ZNF253: variants seen among roughly 807,000 people sequenced by gnomAD.
ZNF253 encodes the protein zinc finger protein 253.
ZNF253 carries 8 observed loss-of-function variants against 11.9 expected under a neutral mutation model. That is an observed-to-expected ratio of 0.67 (90% CI 0.40 to 1.22). ZNF253 has a LOEUF of 1.22. Ranked by LOEUF, ZNF253 falls within the 50% of genes most tolerant of loss-of-function variation. The pLI is 0.01. For synonymous variants in ZNF253, 194 were observed against 194.9 expected, an observed-to-expected ratio of 1.00 and a Z score of 0.04; for missense variants, 485 against 586.9, an observed-to-expected ratio of 0.83 and a Z score of 1.79.
At chr19:19,874,997 G>A (rs1377805011) in intron 1 of ZNF253, among the ~76,000 whole-genome samples, 3 of 152,110 alleles carry the variant, frequency 2.0e-5, no homozygotes. Flanking sequence ...AAGTACCCTA[G>A]TGGCATAGAG....
chr19:19,883,524 A>G (rs2063186436), intron 3 of ZNF253, among the ~76,000 whole-genome samples: 1 of 152,166 alleles, frequency 6.6e-6, no homozygotes, highest in South Asian at 2.1e-4. Flanking sequence ...AGAGGGATTC[A>G]AAATTGTGCC....
intron 3 of ZNF253, among the ~76,000 whole-genome samples, chr19:19,881,362 G>T (rs2122122440): frequency 6.6e-6 from 1 of 152,090 alleles, no homozygotes; most frequent in Admixed American, 6.5e-5. Flanking sequence ...ATAGCTGGGG[G>T]TGGTCTCCCA....
At chr19:19,874,212 A>G (rs1021871723) in intron 1 of ZNF253, among the ~76,000 whole-genome samples, 1 of 150,950 alleles carries the variant, frequency 6.6e-6, no homozygotes, top group African/African-American at 2.4e-5. Context: ...GCCCAGCCAC[A>G]TATTTATTTT....
chr19:19,889,429 C>A (rs1035002265), intron 3 of ZNF253, among the ~76,000 whole-genome samples: 2 of 152,074 alleles, frequency 1.3e-5, no homozygotes, highest in Non-Finnish European at 2.9e-5. Flanking sequence ...TCACTGTAAC[C>A]TACCCCTCCC....
In ZNF253 at chr19:19,892,502, A is replaced by G. The variant is rs755174506; in HGVS notation, c.1255A>G (p.Thr419Ala). Residue 419 changes from threonine (T) to alanine (A), a missense_variant, in exon 4 of 4, where the codon ACT becomes GCT. This residue lies in a region of ZNF253 where 232 missense variants were observed against 321.4 expected (regional missense o/e 0.72). Coordinates refer to ENST00000589717, the MANE Select transcript of ZNF253 (RefSeq NM_021047.3). ...SILSKHKRTHTGEKPYKCEEC... is the reference protein window; with the variant it reads ...SILSKHKRTHAGEKPYKCEEC... ...CCTCTCCAAACATAAAAGAACTCAT[A>G]CTGGAGAGAAACCCTACAAATGTGA... is the stretch of plus-strand genomic sequence containing the variant. 6.2e-7 allele frequency: 1 copy of G among 1,613,986 alleles called. No homozygotes were observed. Among genetic ancestry groups the G allele is most frequent in the Non-Finnish European group, 8.5e-7 (1 of 1,179,976 alleles).
rs150508776 is a variant in ZNF253, at chr19:19,889,148, T to G, written c.227-2326T>G. Among the ~76,000 whole-genome samples, 1,361 of 152,058 alleles carry G rather than the reference T, an allele frequency of 9.0e-3. 9 individuals carry two copies. The highest frequency in any genetic ancestry group is 0.02 in the Middle Eastern group (6 of 294). ...TAAATATCTTTTTGTGTATCCTAGT[T>G]TGTTCAGCTTCTTCATGTTTACATT... On this transcript the variant is annotated intron_variant, in intron 3 of 3. Transcript: ENST00000589717.
At chr19:19,886,410 G>A (rs766937757) in intron 3 of ZNF253, among the ~76,000 whole-genome samples, 2 of 152,150 alleles carry the variant, frequency 1.3e-5, no homozygotes, top group African/African-American at 4.8e-5. Flanking sequence ...GTGAAGCCTA[G>A]TTGGTCTATA....
At chr19:19,871,406 A>G (rs2063133530) in intron 1 of ZNF253, 1 of 152,194 alleles carries the variant, frequency 6.6e-6, no homozygotes. Context: ...GGACACTAGC[A>G]TTCAGGAGAA....
chr19:19,891,476 A>G lies in ZNF253; in HGVS notation c.229A>G (p.Met77Val). Reference sequence around the variant, plus strand: ...TGTGTTTTTATTGTTTCTTTTAGTTATGAGTTCTCATTTTGCCCAAGACCT... The same window carrying G: ...TGTGTTTTTATTGTTTCTTTTAGTTGTGAGTTCTCATTTTGCCCAAGACCT... Reference protein sequence around the residue: ...RHEMIAKPPVMSSHFAQDLWP... With the variant: ...RHEMIAKPPVVSSHFAQDLWP... Residue 77 changes from methionine (M) to valine (V), a missense_variant and splice_region_variant, in exon 4 of 4, where the codon ATG becomes GTG. Transcript: ENST00000589717. The G allele has an allele frequency of 6.3e-7, 1 of 1,578,974 alleles. No individual in the cohort carries two copies. The highest frequency in any genetic ancestry group is 8.6e-7 in the Non-Finnish European group (1 of 1,165,512).
At chr19:19,865,866 G>A, upstream of ZNF253, 1 of 1,209,908 alleles carries the variant, frequency 8.3e-7, no homozygotes, top group Non-Finnish European at 1.2e-6. Context: ...GTTTCTCGCT[G>A]CAGCGGGAGC....
At position 19,893,203 on chromosome 19, in the gene ZNF253, C is replaced by G. The variant is rs1213130876; in HGVS notation, c.*456C>G. ...ATGTTGGCCAGGCTGGTCTCGAACT[C>G]CTGACCTCAGGTGATCCACCTGCCT... On this transcript the variant is annotated 3_prime_UTR_variant, in exon 4 of 4. Coordinates refer to ENST00000589717, the MANE Select transcript of ZNF253 (RefSeq NM_021047.3). The G allele has an allele frequency of 6.2e-6, 1 of 160,876 alleles. No homozygotes were observed. Among genetic ancestry groups the G allele is most frequent in the Non-Finnish European group, 1.4e-5 (1 of 73,358 alleles). The allele number at this position is 160,876 out of a possible 1,614,324, so 10.0% of individuals were successfully genotyped here.
rs183091265 is a variant in ZNF253, at chr19:19,888,041, A to G, written c.227-3433A>G. Among the ~76,000 whole-genome samples, 235 of 152,258 alleles carry G rather than the reference A, an allele frequency of 1.5e-3. 2 individuals are homozygous for G. Among genetic ancestry groups the G allele is most frequent in the African/African-American group, 5.5e-3 (230 of 41,558 alleles). ...TATTTAAATAGTTTTCCGAAAGAGAAAAACTTACTAATGTTATCTATTTAT... is the reference window on the plus strand; with the variant it reads ...TATTTAAATAGTTTTCCGAAAGAGAGAAACTTACTAATGTTATCTATTTAT... On this transcript the variant is annotated intron_variant, in intron 3 of 3. Transcript: ENST00000589717.
intron 1 of ZNF253, among the ~76,000 whole-genome samples, chr19:19,872,020 G>C (rs1379948056): frequency 1.3e-5 from 2 of 152,118 alleles, no homozygotes; most frequent in African/African-American, 2.4e-5. Flanking sequence ...GCAGAATTGT[G>C]TCTCTGCCTT....
chr19:19,885,451 C>A (rs559393841), intron 3 of ZNF253, among the ~76,000 whole-genome samples: 1 of 150,296 alleles, frequency 6.7e-6, no homozygotes, highest in Non-Finnish European at 1.5e-5. Flanking sequence ...AGTTCAGTAG[C>A]GCAATCTCAG....
chr19:19,869,687 TAAA>T (rs35061008), intron 1 of ZNF253, among the ~76,000 whole-genome samples: 1 of 85,314 alleles, frequency 1.2e-5, no homozygotes, highest in African/African-American at 4.7e-5. Flanking sequence ...TTTTTTTTTT[TAAA>T]AAACAGTCTT....
At chr19:19,869,071 C>T (rs1301297061) in intron 1 of ZNF253, among the ~76,000 whole-genome samples, 2 of 151,944 alleles carry the variant, frequency 1.3e-5, no homozygotes, top group Admixed American at 6.6e-5. Context: ...TTAAATTAGA[C>T]ACAGATTTGT....
rs528614988 is a variant in ZNF253, at chr19:19,893,677, G to A, written c.*930G>A. 1 of 152,302 alleles carries A rather than the reference G, an allele frequency of 6.6e-6. No individual in the cohort carries two copies. The highest frequency in any genetic ancestry group is 2.1e-4 in the South Asian group (1 of 4,830). The allele number at this position is 152,302 out of a possible 1,614,324, so 9.4% of individuals were successfully genotyped here. ...ATGCCTACTCACATCTTACTGAACA[G>A]AAGAAGGTTCATAGTTAATAAAGCA... On this transcript the variant is annotated 3_prime_UTR_variant, in exon 4 of 4. Coordinates refer to ENST00000589717, the MANE Select transcript of ZNF253 (RefSeq NM_021047.3).
In ZNF253 at chr19:19,892,880, T is replaced by C. The variant is rs1338382049; in HGVS notation, c.*133T>C. 1 of 888,754 alleles carries C rather than the reference T, an allele frequency of 1.1e-6. No individual in the cohort carries two copies. Among genetic ancestry groups the C allele is most frequent in the Non-Finnish European group, 1.7e-6 (1 of 589,746 alleles). The allele number at this position is 888,754 out of a possible 1,614,324, so 55.1% of individuals were successfully genotyped here. On this transcript the variant is annotated 3_prime_UTR_variant, in exon 4 of 4. Coordinates refer to ENST00000589717, the MANE Select transcript of ZNF253 (RefSeq NM_021047.3). The stretch of plus-strand genomic sequence containing the variant: ...ATATAAAGAATGTGACAAAGCTTTT[T>C]AAGGAAGTTCTCAACCCTTATTACA...
chr19:19,884,451 A>G (rs2063190491), intron 3 of ZNF253, among the ~76,000 whole-genome samples: 1 of 151,864 alleles, frequency 6.6e-6, no homozygotes, highest in Non-Finnish European at 1.5e-5. Context: ...AGCTCACTGC[A>G]ACCTCTGCCT....
Sources: allele counts gnomAD v4.1 joint callset (sites outside exome capture counted in the v4.1 genomes callset), GRCh38; gene constraint gnomAD v4.1.1; regional missense constraint gnomAD v4.1.1; transcripts MANE v1.5; gene names NCBI Gene and HGNC (gene_info 2026-07-23, HGNC 2026-07-21).